Variants in SUV39H2 observed in about 807,000 individuals in gnomAD.
The protein encoded by SUV39H2 is histone-lysine N-methyltransferase SUV39H2.
A neutral mutation model predicts 47.5 loss-of-function variants in SUV39H2; 10 were observed. The ratio of observed to expected loss-of-function variants is 0.21; its 90% CI spans 0.13 to 0.36. The LOEUF (loss-of-function observed/expected upper bound fraction) is 0.36. SUV39H2 is among the 10% of genes least tolerant of loss of function. The pLI, the probability that SUV39H2 is intolerant of heterozygous loss-of-function variation, is 1.00. For synonymous variants in SUV39H2, 159 were observed against 166.8 expected (o/e 0.95, Z 0.36); for missense variants, 266 against 487.4 (o/e 0.55, Z 4.28).
At chr10:14,901,545 CT>C (rs761960859) in intron 5 of SUV39H2, among the ~76,000 whole-genome samples, 279 of 147,262 alleles carry the variant, frequency 1.9e-3, no homozygotes, top group Admixed American at 2.0e-3. Flanking sequence ...TACTACTTGT[CT>C]TTTTTTTTTT....
chr10:14,884,490 G>A (rs1833144028), intron 2 of SUV39H2, among the ~76,000 whole-genome samples: 1 of 152,176 alleles, frequency 6.6e-6, no homozygotes, highest in African/African-American at 2.4e-5. Flanking sequence ...CAGATCCTTT[G>A]CGCATTTTAA....
intron 5 of SUV39H2, 91 bp downstream of exon 5, chr10:14,901,353 C>A: frequency 6.6e-7 from 1 of 1,520,644 alleles, no homozygotes. Flanking sequence ...TTGAACCAAA[C>A]CTAATACTAA....
At chr10:14,898,299 C>T (rs965030605) in intron 3 of SUV39H2, 1 of 136,918 alleles carries the variant, frequency 7.3e-6, no homozygotes, top group Non-Finnish European at 1.5e-5. Context: ...ACACAGGTCA[C>T]ATAGTAATAA....
chr10:14,892,905 C>T (rs191992330), intron 2 of SUV39H2, among the ~76,000 whole-genome samples: 1,567 of 151,418 alleles, frequency 0.01, 30 homozygotes, highest in African/African-American at 0.036. Flanking sequence ...CTGCAACCTC[C>T]GCCTCCCAGG....
chr10:14,902,543 A>G lies in SUV39H2; in HGVS notation c.*31A>G, dbSNP rs1382492576. The G allele has an allele frequency of 1.5e-6, 2 of 1,377,780 alleles. No homozygotes were observed. Among genetic ancestry groups the G allele is most frequent in the East Asian group, 2.4e-5 (1 of 41,284 alleles). 85.3% of individuals were successfully genotyped at this position (1,377,780 alleles called of 1,614,324 possible). A position where few individuals can be genotyped will look rare whatever the true frequency, so the allele number is the denominator to read the frequency against. On this transcript the variant is annotated 3_prime_UTR_variant, in exon 6 of 6. Transcript: ENST00000354919. ...TTCAGGAAATAGAGCTGATGATTAT[A>G]ATATTTTTTTCCTAATGTTAACATT...
intron 2 of SUV39H2, among the ~76,000 whole-genome samples, chr10:14,890,771 A>G (rs966672420): frequency 6.6e-6 from 1 of 152,218 alleles, no homozygotes; most frequent in Non-Finnish European, 1.5e-5. Context: ...TTGTCTTCTC[A>G]TATGTTTCTT....
chr10:14,884,649 T>G (rs1833148735), intron 2 of SUV39H2, among the ~76,000 whole-genome samples: 1 of 152,214 alleles, frequency 6.6e-6, no homozygotes, highest in African/African-American at 2.4e-5. Context: ...TTATTCTGAC[T>G]TGTGCCCCTC....
rs554095689 is a variant in SUV39H2 at position 14,897,228 on chromosome 10, C to T, written c.560C>T (p.Ala187Val). 16 of 1,613,886 alleles carry T rather than the reference C, an allele frequency of 9.9e-6. No individual in the cohort carries two copies. In the South Asian group the frequency reaches 1.5e-4, roughly 16 times the overall value. ...CCTGGAATCAGCTTAGTCAATGAAG[C>T]TACCTTTGGTTGTTCATGCACAGAT... is the stretch of plus-strand genomic sequence containing the variant. ...PAPGISLVNEATFGCSCTDCF... is the reference protein window; with the variant it reads ...PAPGISLVNEVTFGCSCTDCF... The change falls in exon 3 of 6, where the codon GCT becomes GTT. Residue 187 changes from alanine to valine, a missense_variant. Around this residue, in one of 4 missense-constraint regions of SUV39H2, gnomAD observed 91 missense variants for 110.9 expected, o/e 0.82. Transcript: ENST00000354919.
intron 2 of SUV39H2, among the ~76,000 whole-genome samples, chr10:14,894,724 ATAT>A (rs1833510647): frequency 6.6e-6 from 1 of 152,188 alleles, no homozygotes; most frequent in Non-Finnish European, 1.5e-5. Flanking sequence ...ATGAAACAAA[ATAT>A]TAAGATGCAG....
chr10:14,890,000 C>T (rs1833337367), intron 2 of SUV39H2, among the ~76,000 whole-genome samples: 1 of 152,162 alleles, frequency 6.6e-6, no homozygotes, highest in African/African-American at 2.4e-5. Flanking sequence ...GTAAGCTGAG[C>T]AACAAATATT....
At position 14,904,295 on chromosome 10, in the gene SUV39H2, A is replaced by T. The variant is rs867899351; in HGVS notation, c.*1783A>T. 1 of 141,110 alleles carries T rather than the reference A, an allele frequency of 7.1e-6. No individual in the cohort carries two copies. The allele number at this position is 141,110 out of a possible 1,614,324, so 8.7% of individuals were successfully genotyped here. A position where few individuals can be genotyped will look rare whatever the true frequency, so the allele number is the denominator to read the frequency against. On this transcript the variant is annotated 3_prime_UTR_variant, in exon 6 of 6. Coordinates refer to ENST00000354919, the MANE Select transcript of SUV39H2 (RefSeq NM_001193424.2). Reference sequence around the variant, plus strand: ...ACTGCAGCCTGAGTGACACAGTAAGACTGTCTCCAAAAAAAAAAAATTTTT... The same window carrying T: ...ACTGCAGCCTGAGTGACACAGTAAGTCTGTCTCCAAAAAAAAAAAATTTTT...
At chr10:14,884,532 T>C (rs1356046411) in intron 2 of SUV39H2, among the ~76,000 whole-genome samples, 1 of 152,234 alleles carries the variant, frequency 6.6e-6, no homozygotes, top group African/African-American at 2.4e-5. Context: ...CTTGGAATCA[T>C]ACTTCATATA....
chr10:14,894,231 T>A (rs1428445231), intron 2 of SUV39H2, among the ~76,000 whole-genome samples: 1 of 151,950 alleles, frequency 6.6e-6, no homozygotes, highest in East Asian at 1.9e-4. Flanking sequence ...GGCTTTTTTT[T>A]TTTTTTTCCT....
chr10:14,901,650 G>A (rs1834026156), intron 5 of SUV39H2, among the ~76,000 whole-genome samples: 2 of 151,774 alleles, frequency 1.3e-5, no homozygotes, highest in Non-Finnish European at 2.9e-5. Context: ...GGGCAACATG[G>A]TGAAACTCTG....
intron 2 of SUV39H2, among the ~76,000 whole-genome samples, chr10:14,896,012 T>G (rs936959735): frequency 6.6e-6 from 1 of 151,832 alleles, no homozygotes; most frequent in Non-Finnish European, 1.5e-5. Flanking sequence ...GGTGCAATCT[T>G]GGCTCACTGC....
In SUV39H2 at chr10:14,878,935, G is replaced by A; in HGVS notation, c.31+16G>A. 6.8e-7 allele frequency: 1 copy of A among 1,461,294 alleles called. No individual in the cohort carries two copies. Among genetic ancestry groups the A allele is most frequent in the Non-Finnish European group, 9.1e-7 (1 of 1,103,618 alleles). 90.5% of individuals were successfully genotyped at this position (1,461,294 alleles called of 1,614,324 possible). ...GCGCGAGGAGGTGAGGCTGGAGCGC[G>A]GCCCCCTCGCCTTCCCTGTTCCCAG... is the stretch of plus-strand genomic sequence containing the variant. On this transcript the variant is annotated intron_variant, in intron 1 of 5. Coordinates refer to ENST00000354919, the MANE Select transcript of SUV39H2 (RefSeq NM_001193424.2).
chr10:14,901,204 G>C lies in SUV39H2; in HGVS notation c.1068G>C (p.Leu356Phe). 1 of 1,613,978 alleles carries C rather than the reference G, an allele frequency of 6.2e-7. No individual in the cohort carries two copies. The highest frequency in any genetic ancestry group is 8.5e-7 in the Non-Finnish European group (1 of 1,179,960). ...ATACTCGTCTTCCCCGAATAGCATT[G>C]TTTTCCACAAGAACCATAAATGCTG... is the stretch of plus-strand genomic sequence containing the variant. ...NLDTRLPRIA[L>F]FSTRTINAGE... The change falls in exon 5 of 6, where the codon TTG (leucine) becomes TTC (phenylalanine). Residue 356 changes from leucine (L) to phenylalanine (F), a missense_variant. Leu to Phe is a conservative substitution (Grantham distance 22). Coordinates refer to ENST00000354919, the MANE Select transcript of SUV39H2 (RefSeq NM_001193424.2).
At chr10:14,896,162 C>T (rs571456022) in intron 2 of SUV39H2, among the ~76,000 whole-genome samples, 11 of 152,018 alleles carry the variant, frequency 7.2e-5, no homozygotes, top group Non-Finnish European at 1.0e-4. Context: ...AGGCTGGTCT[C>T]GAACTCCTGG....
intron 2 of SUV39H2, among the ~76,000 whole-genome samples, chr10:14,891,427 A>T (rs895112178): frequency 6.6e-5 from 10 of 152,212 alleles, no homozygotes; most frequent in Non-Finnish European, 1.2e-4. Flanking sequence ...TTTTAAGCAA[A>T]ATAACAACAG....
Sources: allele counts gnomAD v4.1 joint callset (sites outside exome capture counted in the v4.1 genomes callset), GRCh38; gene constraint gnomAD v4.1.1; regional missense constraint gnomAD v4.1.1; transcripts MANE v1.5; gene names NCBI Gene and HGNC (gene_info 2026-07-23, HGNC 2026-07-21).